Variants in CBX3 observed in about 807,000 individuals in gnomAD.
CBX3 encodes chromobox protein homolog 3.
In CBX3, 5 loss-of-function variants were observed where a neutral mutation model predicts 22.6. That is an observed-to-expected ratio of 0.22 (90% CI 0.12 to 0.47). The LOEUF is 0.47. Ranked by LOEUF, CBX3 falls within the 20% of genes least tolerant of loss-of-function variation. The pLI is 0.99. For missense variants in CBX3, 83 were observed against 208.1 expected (o/e 0.40, Z 3.70); for synonymous variants, 50 against 66.6 (o/e 0.75, Z 1.21).
rs1490089910 is a variant in CBX3, at chr7:26,206,472, G to A, written c.129G>A (p.Gly43=). Residue 43 remains glycine, a synonymous_variant, in exon 3 of 6, where the codon GGG becomes GGA. Coordinates refer to ENST00000396386, the MANE Select transcript of CBX3 (RefSeq NM_016587.4). ...EKVLDRRVVN[G]KVEYFLKWKG... The stretch of plus-strand genomic sequence containing the variant: ...TACTAGATCGACGTGTAGTGAATGG[G>A]AAAGTGGAATATTTCCTGAAGTGGA... 3 of 1,614,076 alleles carry A rather than the reference G, an allele frequency of 1.9e-6. No individual in the cohort carries two copies. In the Admixed American group the frequency reaches 5.0e-5, roughly 27 times the overall value.
chr7:26,209,624 C>T (rs1289607628), intron 4 of CBX3, among the ~76,000 whole-genome samples: 3 of 152,070 alleles, frequency 2.0e-5, no homozygotes, highest in East Asian at 1.9e-4. Context: ...AATAGTTAAA[C>T]ACTTTTCTTG....
rs1472110452 is a variant in CBX3 at position 26,212,939 on chromosome 7, T to G, written c.*731T>G. The G allele has an allele frequency of 6.6e-6, 1 of 152,286 alleles. No homozygotes were observed. The highest frequency in any genetic ancestry group is 1.5e-5 in the Non-Finnish European group (1 of 68,056). The allele number at this position is 152,286 out of a possible 1,614,324, so 9.4% of individuals were successfully genotyped here. A position where few individuals can be genotyped will look rare whatever the true frequency, so the allele number is the denominator to read the frequency against. On this transcript the variant is annotated 3_prime_UTR_variant, in exon 6 of 6. Transcript: ENST00000396386. ...GGAAACTAGACAAATGCTAGTGTGT[T>G]TTAACTAGCTAAACAAAACTAAGTT...
At chr7:26,202,090 C>G (rs1318557193) in intron 1 of CBX3, 1 of 151,738 alleles carries the variant, frequency 6.6e-6, no homozygotes, top group African/African-American at 2.4e-5. Context: ...CGAGACAAAG[C>G]GCATTTCCCC....
chr7:26,212,043 CT>C (rs762822118), intron 5 of CBX3, 38 bp from the exon 6 acceptor site: 4 of 1,471,912 alleles, frequency 2.7e-6, no homozygotes, highest in African/African-American at 1.4e-5. Flanking sequence ...ACATGAACAA[CT>C]TCGACTTGTA....
At chr7:26,210,535 G>A in intron 4 of CBX3, 1 of 152,142 alleles carries the variant, frequency 6.6e-6, no homozygotes, top group Non-Finnish European at 1.5e-5. Context: ...TCCAGAGCTT[G>A]TGACATTGAT....
intron 3 of CBX3, 94 bp from the exon 4 acceptor site, chr7:26,208,299 A>G (rs767581116): frequency 9.6e-7 from 1 of 1,036,280 alleles, no homozygotes; most frequent in African/African-American, 1.6e-5. Flanking sequence ...AGGACTTTTT[A>G]TTCCCCCGGG....
chr7:26,209,658 A>G (rs1784760917), intron 4 of CBX3, among the ~76,000 whole-genome samples: 1 of 152,102 alleles, frequency 6.6e-6, no homozygotes, highest in South Asian at 2.1e-4. Context: ...CATTCAGTTC[A>G]TTCACTATAC....
At chr7:26,202,950 A>C in intron 1 of CBX3, 21 bp from the exon 2 acceptor site, 2 of 1,498,522 alleles carry the variant, frequency 1.3e-6, no homozygotes, top group Middle Eastern at 1.7e-4. Context: ...AACTTACCTT[A>C]ACTGTCATGC....
At position 26,212,060 on chromosome 7, in the gene CBX3, ATTTTTC is replaced by A. The variant is rs751134339; in HGVS notation, c.426-13_426-8del. Reference sequence around the variant, plus strand: ...ATGAACAACTTCGACTTGTAACTGAATTTTTCTTTTTCTTAAAACAGGAAAGATTCA... The same window carrying A: ...ATGAACAACTTCGACTTGTAACTGAATTTTTCTTAAAACAGGAAAGATTCA... On this transcript the variant is annotated splice_polypyrimidine_tract_variant and intron_variant, in intron 5 of 5. Transcript: ENST00000396386. The A allele has an allele frequency of 2.7e-6, 4 of 1,495,854 alleles. No homozygotes were observed. Among genetic ancestry groups the A allele is most frequent in the East Asian group, 2.5e-5 (1 of 40,668 alleles). The allele number at this position is 1,495,854 out of a possible 1,614,324, so 92.7% of individuals were successfully genotyped here.
chr7:26,204,157 G>A (rs1238021716), intron 2 of CBX3, among the ~76,000 whole-genome samples: 1 of 151,714 alleles, frequency 6.6e-6, no homozygotes, highest in Non-Finnish European at 1.5e-5. Flanking sequence ...TACTATAAAA[G>A]AAAATAGTGA....
intron 2 of CBX3, among the ~76,000 whole-genome samples, chr7:26,205,811 C>T (rs912679485): frequency 7.2e-5 from 11 of 152,250 alleles, no homozygotes; most frequent in South Asian, 2.1e-4. Context: ...CAGGGCCGGG[C>T]GCAGTGGCTC....
At chr7:26,211,779 A>G (rs1784806901) in intron 5 of CBX3, 23 bp downstream of exon 5, 4 of 1,499,616 alleles carry the variant, frequency 2.7e-6, no homozygotes, top group Non-Finnish European at 1.8e-6. Context: ...AGATTGTTAC[A>G]TTTGAAAGTA....
chr7:26,204,024 C>A (rs1204929759), intron 2 of CBX3, among the ~76,000 whole-genome samples: 1 of 152,190 alleles, frequency 6.6e-6, no homozygotes, highest in African/African-American at 2.4e-5. Flanking sequence ...AAGTTCTTAA[C>A]TTTCCATTTT....
intron 2 of CBX3, among the ~76,000 whole-genome samples, chr7:26,203,537 T>C (rs1784601660): frequency 6.6e-6 from 1 of 152,218 alleles, no homozygotes; most frequent in African/African-American, 2.4e-5. Context: ...GTTTAATTCA[T>C]TGCAGTGTTT....
At chr7:26,208,286 C>A in intron 3 of CBX3, 107 bp from the exon 4 acceptor site, 1 of 850,760 alleles carries the variant, frequency 1.2e-6, no homozygotes, top group Non-Finnish European at 1.8e-6. Flanking sequence ...ATCTGCAGTA[C>A]AGAGGACTTT....
chr7:26,208,631 T>G lies in CBX3; in HGVS notation c.330+76T>G, dbSNP rs1031968404. ...GCTTGATTTCTTTTTTGTTTGTTTG[T>G]TTTTTTGAGATGGAGTCTTGCTCTT... On this transcript the variant is annotated intron_variant, in intron 4 of 5. Transcript: ENST00000396386. 1.5e-4 allele frequency: 214 copies of G among 1,396,820 alleles called. No individual in the cohort carries two copies. The East Asian group carries it at 4.9e-3, about 32-fold the overall frequency. The allele number at this position is 1,396,820 out of a possible 1,614,324, so 86.5% of individuals were successfully genotyped here. A position where few individuals can be genotyped will look rare whatever the true frequency, so the allele number is the denominator to read the frequency against.
At chr7:26,208,225 C>G in intron 3 of CBX3, 168 bp from the exon 4 acceptor site, 1 of 471,548 alleles carries the variant, frequency 2.1e-6, no homozygotes. Flanking sequence ...CTGTCTCTGG[C>G]GGAGGCAGGC....
intron 4 of CBX3, among the ~76,000 whole-genome samples, chr7:26,209,329 A>G (rs925969746): frequency 6.6e-6 from 1 of 152,158 alleles, no homozygotes; most frequent in Non-Finnish European, 1.5e-5. Flanking sequence ...CTTTGTGTAA[A>G]TGTGCAGTAA....
At chr7:26,204,929 A>C (rs1275781179) in intron 2 of CBX3, among the ~76,000 whole-genome samples, 1 of 152,076 alleles carries the variant, frequency 6.6e-6, no homozygotes, top group Non-Finnish European at 1.5e-5. Flanking sequence ...AGCTGGGATT[A>C]CAGGCATGCA....
Sources: allele counts gnomAD v4.1 joint callset (sites outside exome capture counted in the v4.1 genomes callset), GRCh38; gene constraint gnomAD v4.1.1; transcripts MANE v1.5; gene names NCBI Gene and HGNC (gene_info 2026-07-23, HGNC 2026-07-21).